Variants in RNF38 observed in about 807,000 individuals in gnomAD.
RNF38 encodes ring finger protein 38.
Under a neutral mutation model 67.2 loss-of-function variants are expected in RNF38, and 15 were observed. The ratio of observed to expected loss-of-function variants is 0.22; its 90% CI spans 0.15 to 0.34. The LOEUF (loss-of-function observed/expected upper bound fraction) is 0.34, where lower values mean the gene tolerates loss of function less well. Among genes scored for constraint, RNF38 ranks in the 10% least tolerant of loss-of-function variants. The pLI, the probability that RNF38 is intolerant of heterozygous loss-of-function variation, is 1.00. For synonymous variants in RNF38, 220 were observed against 218.8 expected (o/e 1.01, Z -0.05); for missense variants, 524 against 639.9 (o/e 0.82, Z 1.95).
At chr9:36,420,365 T>C (rs928420475) in intron 2 of RNF38, among the ~76,000 whole-genome samples, 1 of 151,818 alleles carries the variant, frequency 6.6e-6, no homozygotes, top group Non-Finnish European at 1.5e-5. Flanking sequence ...ACCCCCTCTC[T>C]ACTACAAATA....
At chr9:36,388,562 G>A (rs1434446456) in intron 2 of RNF38, among the ~76,000 whole-genome samples, 2 of 152,112 alleles carry the variant, frequency 1.3e-5, no homozygotes, top group African/African-American at 2.4e-5. Context: ...TCCAGGAAGT[G>A]TAGCAACACA....
intron 1 of RNF38, among the ~76,000 whole-genome samples, chr9:36,451,491 GTTTTTTTTT>G (rs374396585): frequency 5.1e-5 from 3 of 58,688 alleles, no homozygotes; most frequent in African/African-American, 1.3e-4. Context: ...AATTGTAGTA[GTTTTTTTTT>G]TTTTTTTTTT....
rs1836969715 is a variant in RNF38, at chr9:36,390,188, G to A, written c.162+279C>T. Among the ~76,000 whole-genome samples the A allele has an allele frequency of 3.3e-5, 5 of 152,030 alleles. No homozygotes were observed. In the South Asian group the frequency reaches 1.0e-3, roughly 31 times the overall value. On this transcript the variant is annotated intron_variant, in intron 2 of 11. Coordinates refer to ENST00000259605, the MANE Select transcript of RNF38 (RefSeq NM_022781.5). Reference sequence around the variant, plus strand: ...CTACACTATCTTCTACTTTCCTACAGAACTTGACCTATTAGGACAAGTGAT... The same window carrying A: ...CTACACTATCTTCTACTTTCCTACAAAACTTGACCTATTAGGACAAGTGAT...
intron 1 of RNF38, among the ~76,000 whole-genome samples, chr9:36,432,516 C>T (rs528098547): frequency 2.6e-5 from 4 of 152,072 alleles, no homozygotes; most frequent in Non-Finnish European, 4.4e-5. Context: ...ATTGGCCAGG[C>T]GCAGTGGCTC....
upstream of RNF38, chr9:36,400,811 T>G: frequency 1.0e-6 from 1 of 984,644 alleles, no homozygotes; most frequent in Non-Finnish European, 1.2e-6. Flanking sequence ...CCTCGGAGGC[T>G]CCATCCTCTC....
chr9:36,418,100 TGCAGTG>T (rs1838521637), intron 2 of RNF38, among the ~76,000 whole-genome samples: 1 of 151,228 alleles, frequency 6.6e-6, no homozygotes, highest in Non-Finnish European at 1.5e-5. Flanking sequence ...CAGGCTGGAA[TGCAGTG>T]GCTTGATCTC....
chr9:36,392,338 A>G (rs1377788450), intron 1 of RNF38, among the ~76,000 whole-genome samples: 1 of 152,230 alleles, frequency 6.6e-6, no homozygotes, highest in Non-Finnish European at 1.5e-5. Context: ...TGATCTCTAT[A>G]CTACAAACAT....
At chr9:36,478,583 C>G (rs2134443032) in intron 1 of RNF38, among the ~76,000 whole-genome samples, 1 of 150,876 alleles carries the variant, frequency 6.6e-6, no homozygotes, top group South Asian at 2.1e-4. Flanking sequence ...TCTGGGAGGC[C>G]GAGGAGGGTA....
At chr9:36,362,218 C>T (rs527481020) in intron 4 of RNF38, among the ~76,000 whole-genome samples, 5 of 151,816 alleles carry the variant, frequency 3.3e-5, no homozygotes, top group African/African-American at 9.7e-5. Context: ...ATTAGCTGGG[C>T]GTGGTGGTGG....
intron 1 of RNF38, among the ~76,000 whole-genome samples, chr9:36,427,681 ATCTATCTATCT>A (rs1481156856): frequency 2.8e-5 from 4 of 144,678 alleles, no homozygotes; most frequent in Admixed American, 2.1e-4. Context: ...CTATCTATCT[ATCTATCTATCT>A]ATCTATCTAT....
chr9:36,481,243 G>A (rs1054286127), intron 1 of RNF38, among the ~76,000 whole-genome samples: 1 of 151,524 alleles, frequency 6.6e-6, no homozygotes, highest in Admixed American at 6.6e-5. Flanking sequence ...TCAAACTCCT[G>A]AGCTCAGGTG....
upstream of RNF38, chr9:36,401,262 A>C (rs1226707134): frequency 1.1e-5 from 11 of 978,624 alleles, no homozygotes; most frequent in Admixed American, 6.3e-5. Context: ...CAGTTCCGGC[A>C]ACAGAGCTCC....
intron 2 of RNF38, among the ~76,000 whole-genome samples, chr9:36,376,737 C>A (rs1462040160): frequency 6.6e-6 from 1 of 151,814 alleles, no homozygotes. Flanking sequence ...ACCGGCCTGG[C>A]CAACATGGTG....
intron 1 of RNF38, among the ~76,000 whole-genome samples, chr9:36,483,990 A>G (rs1450664473): frequency 6.6e-6 from 1 of 152,188 alleles, no homozygotes; most frequent in Non-Finnish European, 1.5e-5. Context: ...CAAAAGAGGT[A>G]AAGTATCACG....
chr9:36,451,175 G>C (rs1839428804), intron 1 of RNF38, among the ~76,000 whole-genome samples: 1 of 151,244 alleles, frequency 6.6e-6, no homozygotes, highest in Non-Finnish European at 1.5e-5. Context: ...ATAAACTGCA[G>C]TATTTTGGCC....
chr9:36,449,113 C>T (rs1376989396), intron 1 of RNF38, among the ~76,000 whole-genome samples: 4 of 152,164 alleles, frequency 2.6e-5, no homozygotes, highest in Non-Finnish European at 5.9e-5. Flanking sequence ...TTAATAATGG[C>T]TTTTTGGTAG....
chr9:36,404,945 A>G (rs1587624992), upstream of RNF38, among the ~76,000 whole-genome samples: 1 of 152,098 alleles, frequency 6.6e-6, no homozygotes, highest in Non-Finnish European at 1.5e-5. Context: ...TAGAAAATTA[A>G]AGGAGTTCTC....
chr9:36,392,897 GAA>G (rs373579828), intron 1 of RNF38, among the ~76,000 whole-genome samples: 1 of 152,112 alleles, frequency 6.6e-6, no homozygotes. Context: ...ATAAAACAGG[GAA>G]AAATTAGGAG....
At chr9:36,356,045 C>T (rs7863464) in intron 6 of RNF38, among the ~76,000 whole-genome samples, 143,851 of 152,050 alleles carry the variant, frequency 0.95, 68,530 homozygotes, top group East Asian at 1. Context: ...CAGGGTTTCA[C>T]CATGTTGGCC....
Sources: allele counts gnomAD v4.1 joint callset (sites outside exome capture counted in the v4.1 genomes callset), GRCh38; gene constraint gnomAD v4.1.1; transcripts MANE v1.5; gene names NCBI Gene and HGNC (gene_info 2026-07-23, HGNC 2026-07-21).